The following CLDN16 variants were observed in gnomAD, a reference collection of about 807,000 sequenced individuals.
CLDN16 encodes the protein claudin-16.
A neutral mutation model predicts 24.6 loss-of-function variants in CLDN16; 13 were observed. That is an observed-to-expected ratio of 0.53 (90% CI 0.34 to 0.84). CLDN16 has a LOEUF of 0.84. Ranked by LOEUF, CLDN16 falls within the 40% of genes least tolerant of loss-of-function variation. The probability of loss-of-function intolerance (pLI) is 0.01; values close to 1 mark genes in which losing one functional copy is unlikely to be tolerated. For synonymous variants in CLDN16, 116 were observed against 106.7 expected, an observed-to-expected ratio of 1.09 and a Z score of -0.54; for missense variants, 298 against 292.7, an observed-to-expected ratio of 1.02 and a Z score of -0.13.
the CLDN16 span, chr3:190,306,669 T>A: frequency 6.6e-6 from 1 of 152,650 alleles, no homozygotes; most frequent in South Asian, 2.1e-4. Flanking sequence ...CAGACACCAA[T>A]GCCAACACCC....
intron 3 of CLDN16, among the ~76,000 whole-genome samples, chr3:190,376,423 A>C (rs1421193674): frequency 6.6e-6 from 1 of 151,980 alleles, no homozygotes; most frequent in African/African-American, 2.4e-5. Context: ...TCAGGAGCTG[A>C]GAACTTGGTG....
At chr3:190,390,105 C>T (rs547060029) in intron 1 of CLDN16, among the ~76,000 whole-genome samples, 22 of 152,272 alleles carry the variant, frequency 1.4e-4, no homozygotes, top group South Asian at 4.1e-4. Flanking sequence ...CTAGTTAAAA[C>T]GAATGGAATG....
upstream of CLDN16, among the ~76,000 whole-genome samples, chr3:190,318,790 C>T (rs1390351484): frequency 6.6e-6 from 1 of 152,216 alleles, no homozygotes; most frequent in African/African-American, 2.4e-5. Context: ...CTCCTCTCCA[C>T]TTAGGCTTCA....
At chr3:190,311,235 G>A in the CLDN16 span, among the ~76,000 whole-genome samples, 3 of 152,192 alleles carry the variant, frequency 2.0e-5, no homozygotes, top group Admixed American at 6.5e-5. Context: ...GAAGGCAAGC[G>A]AAGGAAGAAT....
At chr3:190,293,773 G>A in the CLDN16 span, among the ~76,000 whole-genome samples, 2 of 152,196 alleles carry the variant, frequency 1.3e-5, no homozygotes, top group African/African-American at 2.4e-5. Context: ...ACTGGCTAAA[G>A]AAACAGAGAA....
the CLDN16 span, among the ~76,000 whole-genome samples, chr3:190,300,371 A>G: frequency 6.9e-6 from 1 of 145,140 alleles, no homozygotes; most frequent in Non-Finnish European, 1.5e-5. Flanking sequence ...ACAAGGCTTT[A>G]TAAGAACACT....
intron 1 of CLDN16, among the ~76,000 whole-genome samples, chr3:190,336,865 A>G (rs907268252): frequency 6.6e-6 from 1 of 152,234 alleles, no homozygotes; most frequent in Non-Finnish European, 1.5e-5. Flanking sequence ...CCCCAACAGC[A>G]ATTATTTATA....
In CLDN16 at chr3:190,393,942, G is replaced by A. The variant is rs562956087; in HGVS notation, c.114+5499G>A. ...ATTTTTTTGTATTTTTTGTAGAGAC[G>A]GGGTTTCACCATATTGGCCAGGCTC... On this transcript the variant is annotated intron_variant, in intron 1 of 4. Transcript: ENST00000264734. Among the ~76,000 whole-genome samples the A allele has an allele frequency of 5.9e-5, 9 of 151,790 alleles. No homozygotes were observed. In the East Asian group the frequency reaches 7.8e-4, roughly 13 times the overall value.
the CLDN16 span, among the ~76,000 whole-genome samples, chr3:190,297,766 AT>A: frequency 6.9e-6 from 1 of 144,084 alleles, no homozygotes; most frequent in Non-Finnish European, 1.5e-5. Context: ...ACTCACACAT[AT>A]ATACATACCT....
upstream of CLDN16, among the ~76,000 whole-genome samples, chr3:190,320,103 T>C (rs1716879547): frequency 6.6e-6 from 1 of 152,230 alleles, no homozygotes; most frequent in Non-Finnish European, 1.5e-5. Context: ...CCTTTCACCC[T>C]AGTTTTAAAA....
chr3:190,380,731 C>T (rs1223055567), intron 3 of CLDN16, among the ~76,000 whole-genome samples: 5 of 151,922 alleles, frequency 3.3e-5, no homozygotes, highest in Admixed American at 6.6e-5. Context: ...GGTCTGAGAT[C>T]GCGCCATTGC....
intron 1 of CLDN16, among the ~76,000 whole-genome samples, chr3:190,333,493 G>T (rs1717226015): frequency 6.6e-6 from 1 of 151,862 alleles, no homozygotes; most frequent in Non-Finnish European, 1.5e-5. Flanking sequence ...CCCTTATAGG[G>T]ATTGAATACT....
the CLDN16 span, among the ~76,000 whole-genome samples, chr3:190,312,681 T>G: frequency 2.0e-5 from 3 of 152,334 alleles, no homozygotes; most frequent in African/African-American, 7.2e-5. Context: ...AATAGACCTG[T>G]CAGATGTGAG....
At chr3:190,370,301 A>G (rs1315006747) in intron 1 of CLDN16, among the ~76,000 whole-genome samples, 2 of 151,998 alleles carry the variant, frequency 1.3e-5, no homozygotes, top group African/African-American at 4.8e-5. Context: ...GCCATTCTCT[A>G]AAAGAAAGAC....
At chr3:190,374,750 CA>C (rs962114422) in intron 3 of CLDN16, 3 of 151,690 alleles carry the variant, frequency 2.0e-5, no homozygotes, top group East Asian at 3.9e-4. Flanking sequence ...TTAAAATAAA[CA>C]AAAAAGAAAG....
Position 190,402,373 on chromosome 3 carries a change from G to C in CLDN16, c.151G>C (p.Val51Leu). The C allele has an allele frequency of 6.2e-7, 1 of 1,613,964 alleles. No homozygotes were observed. The highest frequency in any genetic ancestry group is 8.5e-7 in the Non-Finnish European group (1 of 1,179,974). ...TKCRGLWWEC[V>L]TNAFDGIRTC... is the part of the protein sequence containing the mutation. ...ATGCCGAGGCCTCTGGTGGGAATGC[G>C]TCACAAATGCTTTTGATGGGATTCG... is the stretch of plus-strand genomic sequence containing the variant. Residue 51 changes from valine (V) to leucine (L), a missense_variant, in exon 2 of 5, where the codon GTC (valine) becomes CTC (leucine). Physicochemically the swap from Val to Leu is conservative, Grantham distance 32. Coordinates refer to ENST00000264734, the MANE Select transcript of CLDN16 (RefSeq NM_006580.4).
At chr3:190,409,316 G>A (rs149798349) in intron 4 of CLDN16, among the ~76,000 whole-genome samples, 25 of 151,256 alleles carry the variant, frequency 1.7e-4, no homozygotes, top group Admixed American at 2.6e-4. Flanking sequence ...ATGTATATAT[G>A]CACACATGTA....
chr3:190,408,414 A>C lies in CLDN16; in HGVS notation c.483A>C (p.Lys161Asn). 6.2e-7 allele frequency: 1 copy of C among 1,613,948 alleles called. No individual in the cohort carries two copies. Among genetic ancestry groups the C allele is most frequent in the East Asian group, 2.2e-5 (1 of 44,868 alleles). ...ATATATTTCTTGGTATCCAATATAA[A>C]TTTGGTTGGTCCTGTTGGCTCGGAA... ...LHNIFLGIQY[K>N]FGWSCWLGMA... Residue 161 changes from lysine (K) to asparagine (N), a missense_variant, in exon 4 of 5, where the codon AAA (lysine) becomes AAC (asparagine). Coordinates refer to ENST00000264734, the MANE Select transcript of CLDN16 (RefSeq NM_006580.4).
chr3:190,351,348 C>T (rs773830968), intron 1 of CLDN16, among the ~76,000 whole-genome samples: 1 of 151,856 alleles, frequency 6.6e-6, no homozygotes, highest in Non-Finnish European at 1.5e-5. Context: ...TTTTTCCCAG[C>T]CTTCTCCAGC....
Sources: allele counts gnomAD v4.1 joint callset (sites outside exome capture counted in the v4.1 genomes callset), GRCh38; gene constraint gnomAD v4.1.1; transcripts MANE v1.5; gene names NCBI Gene and HGNC (gene_info 2026-07-23, HGNC 2026-07-21).